SCN8A: variants seen among roughly 807,000 people sequenced by gnomAD.
The protein encoded by SCN8A is sodium channel protein type 8 subunit alpha.
Under a neutral mutation model 184.1 loss-of-function variants are expected in SCN8A, and 30 were observed. The observed-to-expected ratio is 0.16, with a 90% CI of 0.12 to 0.22. The LOEUF (loss-of-function observed/expected upper bound fraction) is 0.22. SCN8A is among the 10% of genes least tolerant of loss of function. SCN8A has a pLI of 1.00. For synonymous variants in SCN8A, 852 were observed against 907.0 expected, an observed-to-expected ratio of 0.94 and a Z score of 1.09; for missense variants, 1,057 against 2,498.9, an observed-to-expected ratio of 0.42 and a Z score of 12.30.
chr12:51,717,751 A>G (rs1016004855), intron 11 of SCN8A, among the ~76,000 whole-genome samples: 2 of 152,228 alleles, frequency 1.3e-5, no homozygotes, highest in African/African-American at 4.8e-5. Context: ...AATCTAACCA[A>G]TGTAGCTCCT....
rs368217662 is a variant in SCN8A, at chr12:51,714,244, G to A, written c.1636-7302G>A. 9.8e-5 allele frequency among the ~76,000 whole-genome samples: 15 copies of A among 152,314 alleles called. No homozygotes were observed. In the South Asian group the frequency reaches 1.7e-3, roughly 17 times the overall value. ...GACAATTATTTAAACAGTTAGTTGT[G>A]ACGTGGAAACTATAACAGTAACTTT... On this transcript the variant is annotated intron_variant, in intron 11 of 26. Transcript: ENST00000627620.
intron 1 of SCN8A, among the ~76,000 whole-genome samples, chr12:51,619,822 T>A (rs1248369714): frequency 6.6e-6 from 1 of 152,204 alleles, no homozygotes; most frequent in Admixed American, 6.5e-5. Context: ...ACCAATTGAT[T>A]GGACAGTCAG....
Position 51,780,690 on chromosome 12 carries a change from G to A in SCN8A, c.3861G>A (p.Ser1287=), listed in dbSNP as rs759145016. ...TTATAGCTAATGCCCTGGGCTACTCGGAACTAGGTGCCATAAAGTCCCTTA... is the reference window on the plus strand; with the variant it reads ...TTATAGCTAATGCCCTGGGCTACTCAGAACTAGGTGCCATAAAGTCCCTTA... ...VSLIANALGY[S]ELGAIKSLRT... is the part of the protein sequence containing the mutation. The change falls in exon 21 of 27, where the codon TCG becomes TCA. Residue 1287 remains serine, a synonymous_variant. Coordinates refer to ENST00000627620, the MANE Select transcript of SCN8A (RefSeq NM_001330260.2). 3 of 1,592,164 alleles carry A rather than the reference G, an allele frequency of 1.9e-6. No homozygotes were observed. The highest frequency in any genetic ancestry group is 2.6e-6 in the Non-Finnish European group (3 of 1,170,118).
At chr12:51,795,313 G>C (rs771314627) in intron 26 of SCN8A, among the ~76,000 whole-genome samples, 5 of 152,184 alleles carry the variant, frequency 3.3e-5, no homozygotes, top group African/African-American at 4.8e-5. Context: ...CTAAAAGTGT[G>C]GGGGGATGAT....
chr12:51,665,078 A>AT lies in SCN8A; in HGVS notation c.276+1989dup, dbSNP rs565246133. ...GACATGATCTCATTTCTAATTTCTC[A>AT]TTTTCTTAAACCTGACAGGAGATAT... On this transcript the variant is annotated intron_variant, in intron 2 of 26. Transcript: ENST00000627620. Among the ~76,000 whole-genome samples, 23 of 152,206 alleles carry AT rather than the reference A, an allele frequency of 1.5e-4. No homozygotes were observed. The South Asian group carries it at 4.8e-3, about 32-fold the overall frequency.
chr12:51,781,571 A>T (rs1159657322), intron 21 of SCN8A, among the ~76,000 whole-genome samples: 2 of 152,096 alleles, frequency 1.3e-5, no homozygotes, highest in Non-Finnish European at 2.9e-5. Flanking sequence ...CACCCTACCA[A>T]CTTAGAAACA....
chr12:51,644,821 G>A (rs1337298448), intron 1 of SCN8A, among the ~76,000 whole-genome samples: 1 of 151,856 alleles, frequency 6.6e-6, no homozygotes, highest in East Asian at 1.9e-4. Context: ...ATCACATCTG[G>A]GAAGTGAGGA....
At chr12:51,743,789 G>T (rs34621434) in intron 12 of SCN8A, among the ~76,000 whole-genome samples, 11,495 of 152,214 alleles carry the variant, frequency 0.076, 780 homozygotes, top group African/African-American at 0.18. Flanking sequence ...TCCCAGGTGG[G>T]TACAGACATG....
At chr12:51,754,320 CTTCTT>C (rs1219903211) in intron 14 of SCN8A, among the ~76,000 whole-genome samples, 1 of 77,158 alleles carries the variant, frequency 1.3e-5, no homozygotes, top group African/African-American at 3.8e-5. Flanking sequence ...GTACAAAAAA[CTTCTT>C]TTTTTTTTTT....
chr12:51,637,500 A>T (rs1408758364), intron 1 of SCN8A, among the ~76,000 whole-genome samples: 1 of 152,218 alleles, frequency 6.6e-6, no homozygotes, highest in Non-Finnish European at 1.5e-5. Flanking sequence ...AAGAAAATGG[A>T]ACAGCCTTAA....
At chr12:51,743,558 T>A (rs964396509) in intron 12 of SCN8A, among the ~76,000 whole-genome samples, 2 of 152,214 alleles carry the variant, frequency 1.3e-5, no homozygotes, top group African/African-American at 2.4e-5. Context: ...TGAGCCACCT[T>A]GAACTGGAGT....
chr12:51,768,734 TG>T, intron 16 of SCN8A, 130 bp from the exon 17 acceptor site: 1 of 672,648 alleles, frequency 1.5e-6, no homozygotes, highest in Non-Finnish European at 2.4e-6. Context: ...AAATACTACG[TG>T]GGCCAAACAC....
chr12:51,709,348 G>A (rs1346800704), intron 11 of SCN8A, among the ~76,000 whole-genome samples: 1 of 152,156 alleles, frequency 6.6e-6, no homozygotes, highest in Non-Finnish European at 1.5e-5. Flanking sequence ...TGTGTCAGTT[G>A]GAAGAATAGT....
rs1362436325 is a variant in SCN8A, at chr12:51,809,619, A to G, written c.*2190A>G. 6.6e-6 allele frequency: 1 copy of G among 152,256 alleles called. No homozygotes were observed. The highest frequency in any genetic ancestry group is 1.5e-5 in the Non-Finnish European group (1 of 68,044). The allele number at this position is 152,256 out of a possible 1,614,324, so 9.4% of individuals were successfully genotyped here. ...CTAACTGCTAGGATGAATGTATAGTAACATGTACAGGCTACATTGTAAACA... is the reference window on the plus strand; with the variant it reads ...CTAACTGCTAGGATGAATGTATAGTGACATGTACAGGCTACATTGTAAACA... On this transcript the variant is annotated 3_prime_UTR_variant, in exon 27 of 27. Coordinates refer to ENST00000627620, the MANE Select transcript of SCN8A (RefSeq NM_001330260.2).
In SCN8A at chr12:51,810,639, G is replaced by C. The variant is rs557874908; in HGVS notation, c.*3210G>C. On this transcript the variant is annotated 3_prime_UTR_variant, in exon 27 of 27. Transcript: ENST00000627620. Reference sequence around the variant, plus strand: ...AAAAAAGGACAAAAAGCAAAAAGATGTGTGATGCTGTTAATAATTTAAAAT... The same window carrying C: ...AAAAAAGGACAAAAAGCAAAAAGATCTGTGATGCTGTTAATAATTTAAAAT... 1 of 153,850 alleles carries C rather than the reference G, an allele frequency of 6.5e-6. No homozygotes were observed. The highest frequency in any genetic ancestry group is 6.5e-5 in the Admixed American group (1 of 15,316). 9.5% of individuals were successfully genotyped at this position (153,850 alleles called of 1,614,324 possible).
intron 21 of SCN8A, 133 bp downstream of exon 21, chr12:51,780,904 C>G (rs1937897608): frequency 3.5e-6 from 4 of 1,135,620 alleles, no homozygotes; most frequent in Middle Eastern, 3.2e-4. Context: ...ATCCTCCACT[C>G]TCTCCCCCAC....
chr12:51,644,383 C>A (rs1037459006), intron 1 of SCN8A, among the ~76,000 whole-genome samples: 1 of 152,140 alleles, frequency 6.6e-6, no homozygotes, highest in Non-Finnish European at 1.5e-5. Flanking sequence ...GGGATAAGAA[C>A]AATAACTACC....
chr12:51,703,187 C>A (rs1464701536), intron 9 of SCN8A, among the ~76,000 whole-genome samples: 1 of 152,172 alleles, frequency 6.6e-6, no homozygotes, highest in Non-Finnish European at 1.5e-5. Flanking sequence ...TCCTATTGTT[C>A]ATCCTCTGCA....
intron 2 of SCN8A, among the ~76,000 whole-genome samples, chr12:51,673,638 T>C (rs1313183797): frequency 6.6e-6 from 1 of 152,208 alleles, no homozygotes; most frequent in East Asian, 1.9e-4. Flanking sequence ...AAGAGATTCA[T>C]ACATTCAACA....
Sources: gnomAD v4.1 joint callset for allele counts (sites outside exome capture counted in the v4.1 genomes callset) on GRCh38, gnomAD v4.1.1 for gene constraint, MANE v1.5 for transcripts, NCBI Gene and HGNC (gene_info 2026-07-23, HGNC 2026-07-21) for gene names.